Variants in LAMA2 observed in about 807,000 individuals in gnomAD.
LAMA2 encodes the protein laminin subunit alpha-2.
LAMA2 carries 269 observed loss-of-function variants against 364.8 expected under a neutral mutation model. The observed-to-expected ratio is 0.74, with a 90% CI of 0.67 to 0.82. LAMA2 has a LOEUF of 0.82. Ranked by LOEUF, LAMA2 falls within the 40% of genes least tolerant of loss-of-function variation. LAMA2 has a pLI of 0.00. For missense variants in LAMA2, 3,807 were observed against 3,873.2 expected (o/e 0.98, Z 0.45); for synonymous variants, 1,379 against 1,370.6 (o/e 1.01, Z -0.14).
intron 5 of LAMA2, among the ~76,000 whole-genome samples, chr6:129,145,192 G>A (rs1562274437): frequency 6.6e-6 from 1 of 151,970 alleles, no homozygotes; most frequent in Non-Finnish European, 1.5e-5. Context: ...CAAAATTGCT[G>A]AATCACTAGG....
At position 129,468,708 on chromosome 6, in the gene LAMA2, G is replaced by A. The variant is rs148826898; in HGVS notation, c.7300+3419G>A. ...TTAAAAGGAAAAGAAGAAAGGCTTGGCAAAATAACCTTACTACCTGCTTTG... is the reference window on the plus strand; with the variant it reads ...TTAAAAGGAAAAGAAGAAAGGCTTGACAAAATAACCTTACTACCTGCTTTG... On this transcript the variant is annotated intron_variant, in intron 51 of 64. Transcript: ENST00000421865. Among the ~76,000 whole-genome samples, 9 of 151,958 alleles carry A rather than the reference G, an allele frequency of 5.9e-5. No homozygotes were observed. The East Asian group carries it at 1.6e-3, about 26-fold the overall frequency.
chr6:129,059,715 A>G (rs943475552), intron 2 of LAMA2, 69 bp from the exon 3 acceptor site: 2 of 971,506 alleles, frequency 2.1e-6, no homozygotes, highest in African/African-American at 1.6e-5. Flanking sequence ...TTTTACTTTA[A>G]AGAAAAAGCT....
intron 3 of LAMA2, among the ~76,000 whole-genome samples, chr6:129,095,774 A>AC (rs1775140657): frequency 6.7e-6 from 1 of 149,434 alleles, no homozygotes; most frequent in Non-Finnish European, 1.5e-5. Flanking sequence ...AAAAAAAAAA[A>AC]TTAGCCAGGC....
chr6:128,946,264 T>G (rs895794029), intron 1 of LAMA2, among the ~76,000 whole-genome samples: 2 of 152,244 alleles, frequency 1.3e-5, no homozygotes, highest in Non-Finnish European at 2.9e-5. Context: ...GAATTGCATT[T>G]AATACACCTA....
chr6:129,396,495 G>A (rs372297653), intron 37 of LAMA2, among the ~76,000 whole-genome samples: 2 of 152,230 alleles, frequency 1.3e-5, no homozygotes, highest in African/African-American at 2.4e-5. Flanking sequence ...CAAAAGCTAC[G>A]TAAAAATCTG....
At chr6:129,348,345 G>T (rs964326433) in intron 30 of LAMA2, among the ~76,000 whole-genome samples, 4 of 152,120 alleles carry the variant, frequency 2.6e-5, no homozygotes, top group Non-Finnish European at 5.9e-5. Flanking sequence ...ACACCTTATT[G>T]CCTGTTTTCA....
chr6:129,359,462 T>C (rs1161818555), intron 32 of LAMA2, among the ~76,000 whole-genome samples: 1 of 151,742 alleles, frequency 6.6e-6, no homozygotes, highest in Non-Finnish European at 1.5e-5. Context: ...TGGAATCAAA[T>C]TTTTATTTGA....
Position 128,923,579 on chromosome 6 carries a change from A to T in LAMA2, c.112+40222A>T, listed in dbSNP as rs189782839. Among the ~76,000 whole-genome samples, 579 of 152,280 alleles carry T rather than the reference A, an allele frequency of 3.8e-3. 4 individuals are homozygous for T. Among genetic ancestry groups the T allele is most frequent in the African/African-American group, 0.013 (556 of 41,566 alleles). The stretch of plus-strand genomic sequence containing the variant: ...TAAAAGGGGATAGTATATCCAATAT[A>T]TTTAATACAGAAAGGATGAAGATAT... On this transcript the variant is annotated intron_variant, in intron 1 of 64. Transcript: ENST00000421865.
At chr6:129,237,724 A>G (rs1785090268) in intron 12 of LAMA2, among the ~76,000 whole-genome samples, 1 of 152,170 alleles carries the variant, frequency 6.6e-6, no homozygotes, top group Non-Finnish European at 1.5e-5. Flanking sequence ...TGCATTTATA[A>G]TTTTAACAGA....
intron 1 of LAMA2, among the ~76,000 whole-genome samples, chr6:128,886,541 G>A (rs1776158252): frequency 6.6e-6 from 1 of 151,148 alleles, no homozygotes; most frequent in Non-Finnish European, 1.5e-5. Context: ...ATGCAGAGAA[G>A]GGAGAGCAGA....
chr6:129,446,514 AGAGGGGAGGG>A, intron 45 of LAMA2, among the ~76,000 whole-genome samples: 1 of 50,946 alleles, frequency 2.0e-5, no homozygotes, highest in South Asian at 1.4e-3. Context: ...GAAGGGGAGG[AGAGGGGAGGG>A]GAGGGGAGGG....
chr6:129,237,237 C>T (rs1442303160), intron 12 of LAMA2, among the ~76,000 whole-genome samples: 2 of 152,188 alleles, frequency 1.3e-5, no homozygotes, highest in Non-Finnish European at 2.9e-5. Flanking sequence ...TCATTTCCAT[C>T]ATCATTTTTA....
intron 1 of LAMA2, among the ~76,000 whole-genome samples, chr6:128,939,534 T>G (rs1415105325): frequency 6.6e-6 from 1 of 152,136 alleles, no homozygotes; most frequent in Non-Finnish European, 1.5e-5. Flanking sequence ...ATATTATAAA[T>G]AAAAGATTAA....
intron 31 of LAMA2, among the ~76,000 whole-genome samples, chr6:129,351,359 G>T (rs970835498): frequency 6.6e-6 from 1 of 152,134 alleles, no homozygotes; most frequent in African/African-American, 2.4e-5. Flanking sequence ...ATCGATAAAA[G>T]CTGTCAGTTT....
chr6:128,892,013 G>C (rs1776485918), intron 1 of LAMA2, among the ~76,000 whole-genome samples: 1 of 151,938 alleles, frequency 6.6e-6, no homozygotes, highest in Admixed American at 6.6e-5. Context: ...CGTAAGATAG[G>C]TTTAGGTTAG....
At chr6:129,172,045 T>C (rs1230658525) in intron 9 of LAMA2, among the ~76,000 whole-genome samples, 1 of 140,690 alleles carries the variant, frequency 7.1e-6, no homozygotes, top group African/African-American at 2.7e-5. Context: ...TAAGCACTTC[T>C]CTGTATTGGT....
chr6:129,187,136 C>A (rs888295091), intron 10 of LAMA2, among the ~76,000 whole-genome samples: 2 of 151,698 alleles, frequency 1.3e-5, no homozygotes, highest in Admixed American at 1.3e-4. Context: ...ATATTCATGT[C>A]AAGAGGATCT....
At chr6:129,102,083 T>C (rs1433225572) in intron 4 of LAMA2, among the ~76,000 whole-genome samples, 1 of 152,002 alleles carries the variant, frequency 6.6e-6, no homozygotes, top group African/African-American at 2.4e-5. Flanking sequence ...TTCATATATT[T>C]TTCAGTTTCT....
At chr6:128,965,292 CTCTGTTTGACA>C (rs1781767745) in intron 1 of LAMA2, among the ~76,000 whole-genome samples, 1 of 151,910 alleles carries the variant, frequency 6.6e-6, no homozygotes, top group Non-Finnish European at 1.5e-5. Flanking sequence ...AAATATTTTG[CTCTGTTTGACA>C]TCTGGGTGCA....
Sources: gnomAD v4.1 joint callset for allele counts (sites outside exome capture counted in the v4.1 genomes callset) on GRCh38, gnomAD v4.1.1 for gene constraint, MANE v1.5 for transcripts, NCBI Gene and HGNC (gene_info 2026-07-23, HGNC 2026-07-21) for gene names.